The following BCL7C variants were observed in gnomAD, a reference collection of about 807,000 sequenced individuals.
The protein encoded by BCL7C is B-cell CLL/lymphoma 7 protein family member C.
BCL7C carries 8 observed loss-of-function variants against 26.2 expected under a neutral mutation model. The ratio of observed to expected loss-of-function variants is 0.30; its 90% CI spans 0.18 to 0.55. The LOEUF (loss-of-function observed/expected upper bound fraction) is 0.55. Ranked by LOEUF, BCL7C falls within the 20% of genes least tolerant of loss-of-function variation. BCL7C has a pLI of 0.93. For missense variants in BCL7C, 262 were observed against 298.5 expected (o/e 0.88, Z 0.90); for synonymous variants, 90 against 116.5 (o/e 0.77, Z 1.47).
Position 30,893,308 on chromosome 16 carries a change from G to T in BCL7C, c.93-18C>A. 6.2e-7 allele frequency: 1 copy of T among 1,610,020 alleles called. No individual in the cohort carries two copies. The highest frequency in any genetic ancestry group is 8.5e-7 in the Non-Finnish European group (1 of 1,177,478). On this transcript the variant is annotated intron_variant, in intron 1 of 5. Coordinates refer to ENST00000215115, the MANE Select transcript of BCL7C (RefSeq NM_004765.4). This position sits in a 1 kb window ranked among gnomAD's most constrained non-coding sequence, Gnocchi z 5.2. ...GCTTCTCCCTGTGGGAGGGTGGGGG[G>T]CTGGGTCAGAGAGGCCTGAGGGGAG...
intron 5 of BCL7C, among the ~76,000 whole-genome samples, chr16:30,857,143 C>T (rs1456063667): frequency 1.3e-5 from 2 of 151,962 alleles, no homozygotes; most frequent in Admixed American, 6.6e-5. Context: ...AATCCCAGCA[C>T]TTTGGGAGGC....
intron 4 of BCL7C, 116 bp from the exon 5 acceptor site, chr16:30,889,061 G>T: frequency 1.0e-6 from 1 of 984,774 alleles, no homozygotes; most frequent in Non-Finnish European, 1.6e-6. Context: ...GGCCATGGGA[G>T]CAGAGAGGAG....
chr16:30,875,207 G>T (rs2054927630), intron 5 of BCL7C: 1 of 154,614 alleles, frequency 6.5e-6, no homozygotes, highest in African/African-American at 2.4e-5. Context: ...CTGCGGGAGG[G>T]TCTGGCCTAG....
At chr16:30,855,854 A>C (rs2054715928) in intron 5 of BCL7C, among the ~76,000 whole-genome samples, 1 of 151,388 alleles carries the variant, frequency 6.6e-6, no homozygotes, top group Admixed American at 6.6e-5. Context: ...TGAGGTCGGG[A>C]GTTCAAGACT....
rs1245717195 is a variant in BCL7C, at chr16:30,836,754, G to A, written c.529-1606C>T. 2.0e-5 allele frequency among the ~76,000 whole-genome samples: 3 copies of A among 151,640 alleles called. No individual in the cohort carries two copies. In the East Asian group the frequency reaches 5.8e-4, roughly 29 times the overall value. Reference sequence around the variant, plus strand: ...GCCTCCCAAAGTGCTGGGATTACAGGTGTGAGCCACTCGCCTGGCCAAGAC... The same window carrying A: ...GCCTCCCAAAGTGCTGGGATTACAGATGTGAGCCACTCGCCTGGCCAAGAC... On this transcript the variant is annotated intron_variant, in intron 5 of 5. Coordinates refer to the BCL7C transcript ENST00000380317.
chr16:30,853,554 T>C (rs1421798271), intron 5 of BCL7C, among the ~76,000 whole-genome samples: 2 of 152,222 alleles, frequency 1.3e-5, no homozygotes, highest in African/African-American at 4.8e-5. Context: ...TTCTTTTATT[T>C]TAATCATACA....
intron 5 of BCL7C, chr16:30,852,397 G>A (rs183360718): frequency 6.6e-6 from 1 of 151,448 alleles, no homozygotes; most frequent in Non-Finnish European, 1.5e-5. Context: ...TTAAAATGAT[G>A]TATAGCATAA....
At chr16:30,850,090 G>A (rs556371875) in intron 5 of BCL7C, among the ~76,000 whole-genome samples, 69 of 151,734 alleles carry the variant, frequency 4.5e-4, no homozygotes, top group African/African-American at 1.6e-3. Flanking sequence ...GGCACCTGTA[G>A]TCCCAGCTAC....
intron 5 of BCL7C, among the ~76,000 whole-genome samples, chr16:30,870,500 A>G (rs953279739): frequency 4.6e-5 from 7 of 151,880 alleles, no homozygotes; most frequent in African/African-American, 1.7e-4. Flanking sequence ...CCCCGTCTTT[A>G]CAAAAAAAAT....
chr16:30,866,359 T>C (rs2054828329), intron 5 of BCL7C, among the ~76,000 whole-genome samples: 1 of 151,888 alleles, frequency 6.6e-6, no homozygotes, highest in Non-Finnish European at 1.5e-5. Context: ...GGTGGATCAC[T>C]TGAGGTCAGG....
At chr16:30,888,787 C>T in intron 5 of BCL7C, 73 bp downstream of exon 5, 1 of 1,453,626 alleles carries the variant, frequency 6.9e-7, no homozygotes, top group Non-Finnish European at 9.6e-7. Flanking sequence ...AGGACGCAGG[C>T]TCCAAGCCTT....
intron 5 of BCL7C, among the ~76,000 whole-genome samples, chr16:30,869,870 T>G (rs984516533): frequency 3.3e-4 from 50 of 152,250 alleles, no homozygotes; most frequent in African/African-American, 1.2e-3. Flanking sequence ...CCTCCATGAT[T>G]GTTGAATGAG....
rs1377378174 is a variant in BCL7C at position 30,887,957 on chromosome 16, G to T, written c.562C>A (p.Pro188Thr). 3.1e-6 allele frequency: 5 copies of T among 1,606,908 alleles called. No homozygotes were observed. Among genetic ancestry groups the T allele is most frequent in the Non-Finnish European group, 3.4e-6 (4 of 1,177,048 alleles). Residue 188 changes from proline to threonine, a missense_variant, in exon 6 of 6, where the codon CCA becomes ACA. By Grantham distance (38) the Pro-to-Thr change is conservative. Transcript: ENST00000215115. ...PEAYPVFEPV[P>T]PVPEAAQGDT... ...CCCTGGGCTGCCTCAGGGACAGGTG[G>T]CACTGGCTCAAAGACAGGGTAAGCT...
chr16:30,850,445 G>A (rs776284618), intron 5 of BCL7C, among the ~76,000 whole-genome samples: 78 of 152,078 alleles, frequency 5.1e-4, no homozygotes, highest in Non-Finnish European at 9.6e-4. Context: ...TGTCATGGGC[G>A]ATTTTGTCAT....
At position 30,834,943 on chromosome 16, in the gene BCL7C, C is replaced by A. The variant is rs1348046204; in HGVS notation, c.*5G>T. 6.6e-7 allele frequency: 1 copy of A among 1,517,514 alleles called. No homozygotes were observed. The highest frequency in any genetic ancestry group is 8.9e-7 in the Non-Finnish European group (1 of 1,129,028). The allele number at this position is 1,517,514 out of a possible 1,614,324, so 94.0% of individuals were successfully genotyped here. On this transcript the variant is annotated 3_prime_UTR_variant, in exon 6 of 6. Transcript: ENST00000380317. The surrounding 1 kb of genome is among the most constrained non-coding windows in gnomAD (Gnocchi z 4.3). ...TAGGGGTCTTGGCTTGCTTGGGGAG[C>A]CCACTCACCTCCCCTTACCCTGGGG...
chr16:30,889,213 C>G (rs1481001903), intron 4 of BCL7C, among the ~76,000 whole-genome samples: 1 of 152,214 alleles, frequency 6.6e-6, no homozygotes, highest in Admixed American at 6.5e-5. Context: ...TGGGCTTGGA[C>G]TGCCTGGGTT....
At chr16:30,860,606 G>A (rs2054762945) in intron 5 of BCL7C, among the ~76,000 whole-genome samples, 1 of 152,158 alleles carries the variant, frequency 6.6e-6, no homozygotes, top group African/African-American at 2.4e-5. Context: ...GCCAGAAAAT[G>A]TCACTTTCAA....
At chr16:30,879,125 C>T (rs889998055) in intron 5 of BCL7C, among the ~76,000 whole-genome samples, 4 of 152,162 alleles carry the variant, frequency 2.6e-5, no homozygotes, top group African/African-American at 9.7e-5. Context: ...TCAGCCATCC[C>T]AGTTTGCTCA....
chr16:30,881,151 C>G (rs2055036899), intron 5 of BCL7C, among the ~76,000 whole-genome samples: 1 of 152,182 alleles, frequency 6.6e-6, no homozygotes, highest in Non-Finnish European at 1.5e-5. Flanking sequence ...AATCCCAGCA[C>G]TTTGCAAGGC....
Sources: gnomAD v4.1 joint callset for allele counts (sites outside exome capture counted in the v4.1 genomes callset) on GRCh38, gnomAD v4.1.1 for gene constraint, Gnocchi (gnomAD v3.1) non-coding constraint, MANE v1.5 for transcripts, NCBI Gene and HGNC (gene_info 2026-07-23, HGNC 2026-07-21) for gene names.